RGMB: variants seen among roughly 807,000 people sequenced by gnomAD.
RGMB encodes the protein repulsive guidance molecule BMP co-receptor b, also known as repulsive guidance molecule B.
A neutral mutation model predicts 26.9 loss-of-function variants in RGMB; 16 were observed. That is an observed-to-expected ratio of 0.60 (90% confidence interval 0.40 to 0.90). The LOEUF is 0.90. RGMB is among the 40% of genes least tolerant of loss of function. The pLI is 0.00. For missense variants in RGMB, 512 were observed against 573.3 expected (o/e 0.89, Z 1.09); for synonymous variants, 225 against 229.3 (o/e 0.98, Z 0.17).
chr5:98,780,113 C>G lies in RGMB; in HGVS notation c.645+25C>G, dbSNP rs775707607. On this transcript the variant is annotated intron_variant, in intron 2 of 2. Transcript: ENST00000513185. ...GGCAAGTATACCTTCTTTTTTCCCT[C>G]TCCCTACTCAACTTTCAAAAGATGT... The G allele has an allele frequency of 3.2e-6, 5 of 1,583,204 alleles. No individual in the cohort carries two copies. The East Asian group carries it at 1.1e-4, about 35-fold the overall frequency.
intron 1 of RGMB, among the ~76,000 whole-genome samples, chr5:98,774,653 C>T (rs1746333820): frequency 6.6e-6 from 1 of 152,168 alleles, no homozygotes; most frequent in Non-Finnish European, 1.5e-5. Context: ...GGGGTGGCGG[C>T]GAGGCGAAGG....
chr5:98,779,700 G>C lies in RGMB; in HGVS notation c.257G>C (p.Arg86Pro). 6.2e-7 allele frequency: 1 copy of C among 1,607,680 alleles called. No individual in the cohort carries two copies. Among genetic ancestry groups the C allele is most frequent in the Non-Finnish European group, 8.5e-7 (1 of 1,175,530 alleles). Reference sequence around the variant, plus strand: ...GACTCTGAGTTTTGCAAGGCCTTGCGTGCCTATGCTGGCTGCACCCAGCGA... The same window carrying C: ...GACTCTGAGTTTTGCAAGGCCTTGCCTGCCTATGCTGGCTGCACCCAGCGA... ...GFDSEFCKAL[R>P]AYAGCTQRTS... Residue 86 changes from arginine (R) to proline (P), a missense_variant, in exon 2 of 3, where the codon CGT becomes CCT. Physicochemically the swap from Arg to Pro is moderately radical, Grantham distance 103. Coordinates refer to ENST00000513185, the MANE Select transcript of RGMB (RefSeq NM_001366508.1).
At chr5:98,791,955 CTTAGTTTG>C (rs1182927707) in intron 2 of RGMB, among the ~76,000 whole-genome samples, 1 of 152,054 alleles carries the variant, frequency 6.6e-6, no homozygotes, top group Non-Finnish European at 1.5e-5. Flanking sequence ...AATTTATGTG[CTTAGTTTG>C]GAGAATCGAG....
rs116038820 is a variant in RGMB at position 98,793,233 on chromosome 5, G to A, written c.794G>A (p.Ser265Asn). 2.4e-4 allele frequency: 391 copies of A among 1,614,058 alleles called. 3 individuals carry two copies. In the African/African-American group the frequency reaches 4.3e-3, roughly 18 times the overall value. Residue 265 changes from serine to asparagine, a missense_variant, in exon 3 of 3, where the codon AGT becomes AAT. Ser to Asn is a conservative substitution (Grantham distance 46, BLOSUM62 1). Transcript: ENST00000513185. ...AGCCTGCGTATCGTGGAAAGGGAGAGTGGCCACTATGTGGAGATGCACGCC... is the reference window on the plus strand; with the variant it reads ...AGCCTGCGTATCGTGGAAAGGGAGAATGGCCACTATGTGGAGATGCACGCC... Reference protein sequence around the residue: ...AKSLRIVERESGHYVEMHARY... With the variant: ...AKSLRIVERENGHYVEMHARY...
upstream of RGMB, chr5:98,773,595 T>G: frequency 4.2e-6 from 1 of 239,680 alleles, no homozygotes; most frequent in Non-Finnish European, 8.0e-6. Context: ...GCGTCGTGGA[T>G]TGGCGGGCAC....
intron 1 of RGMB, 85 bp downstream of exon 1, chr5:98,774,291 G>C (rs1463136671): frequency 1.6e-6 from 2 of 1,275,790 alleles, no homozygotes; most frequent in African/African-American, 3.1e-5. Flanking sequence ...GGCGCTCGCC[G>C]GGGCGGAAGG....
intron 2 of RGMB, among the ~76,000 whole-genome samples, chr5:98,789,891 G>C (rs555649418): frequency 1.3e-5 from 2 of 152,316 alleles, no homozygotes; most frequent in Admixed American, 6.5e-5. Flanking sequence ...GTGAGCTTTT[G>C]AAATACAATT....
chr5:98,788,374 A>G (rs1276555417), intron 2 of RGMB, among the ~76,000 whole-genome samples: 5 of 152,230 alleles, frequency 3.3e-5, no homozygotes, highest in African/African-American at 4.8e-5. Context: ...TTGTAAAATT[A>G]CATCCCAGTT....
At chr5:98,791,147 G>A (rs538885385) in intron 2 of RGMB, among the ~76,000 whole-genome samples, 9 of 152,272 alleles carry the variant, frequency 5.9e-5, no homozygotes, top group African/African-American at 2.2e-4. Flanking sequence ...CACCTCCTTT[G>A]GGTTGTTAAG....
rs1205892115 is a variant in RGMB at position 98,779,353 on chromosome 5, T to C, written c.137-227T>C. On this transcript the variant is annotated intron_variant, in intron 1 of 2. Transcript: ENST00000513185. The stretch of plus-strand genomic sequence containing the variant: ...ACTCATGTTCACTCACAGTGGCTCA[T>C]GCTTTAAAGTTGTAAGTTAACTAAT... Among the ~76,000 whole-genome samples, 5 of 152,234 alleles carry C rather than the reference T, an allele frequency of 3.3e-5. 1 individual carries two copies. In the South Asian group the frequency reaches 8.3e-4, roughly 25 times the overall value.
intron 2 of RGMB, among the ~76,000 whole-genome samples, chr5:98,787,437 A>T (rs79375880): frequency 1.5e-3 from 223 of 152,326 alleles, no homozygotes; most frequent in African/African-American, 5.0e-3. Context: ...GCCTGAAGGG[A>T]AGACCTGCTA....
chr5:98,794,074 T>A lies in RGMB; in HGVS notation c.*321T>A, dbSNP rs2112384273. The A allele has an allele frequency of 5.2e-6, 1 of 190,478 alleles. No homozygotes were observed. The highest frequency in any genetic ancestry group is 1.4e-4 in the East Asian group (1 of 7,140). 11.8% of individuals were successfully genotyped at this position (190,478 alleles called of 1,614,324 possible). A position where few individuals can be genotyped will look rare whatever the true frequency, so the allele number is the denominator to read the frequency against. ...GTGTGTGCTTGGTTGATATGTATAG[T>A]ACATATACACAGACATCCATATGCA... On this transcript the variant is annotated 3_prime_UTR_variant, in exon 3 of 3. Coordinates refer to ENST00000513185, the MANE Select transcript of RGMB (RefSeq NM_001366508.1).
Position 98,795,244 on chromosome 5 carries a change from A to G in RGMB, c.*1491A>G, listed in dbSNP as rs1196700712. On this transcript the variant is annotated 3_prime_UTR_variant, in exon 3 of 3. Transcript: ENST00000513185. ...AATCTTTAGTTCCAAGAAGTGATAG[A>G]GTTTCTGCTTTAATAATTTGTTGAT... 1.3e-5 allele frequency: 2 copies of G among 152,138 alleles called. No individual in the cohort carries two copies. Among genetic ancestry groups the G allele is most frequent in the African/African-American group, 4.8e-5 (2 of 41,458 alleles). The allele number at this position is 152,138 out of a possible 1,614,324, so 9.4% of individuals were successfully genotyped here. A position where few individuals can be genotyped will look rare whatever the true frequency, so the allele number is the denominator to read the frequency against.
rs1746526785 is a variant in RGMB, at chr5:98,779,704, C to T, written c.261C>T (p.Ala87=). 2 of 1,609,818 alleles carry T rather than the reference C, an allele frequency of 1.2e-6. No homozygotes were observed. The highest frequency in any genetic ancestry group is 8.5e-7 in the Non-Finnish European group (1 of 1,177,002). The change falls in exon 2 of 3, where the codon GCC becomes GCT. Residue 87 remains alanine (A), a synonymous_variant. Transcript: ENST00000513185. The part of the protein sequence containing the change: ...FDSEFCKALR[A]YAGCTQRTSK... ...CTGAGTTTTGCAAGGCCTTGCGTGC[C>T]TATGCTGGCTGCACCCAGCGAACTT...
chr5:98,776,210 C>CA (rs1388533030), intron 1 of RGMB, among the ~76,000 whole-genome samples: 2 of 152,216 alleles, frequency 1.3e-5, no homozygotes, highest in Non-Finnish European at 2.9e-5. Context: ...TCTAGACCCA[C>CA]AAATGCTTTA....
Position 98,794,963 on chromosome 5 carries a change from T to C in RGMB, c.*1210T>C, listed in dbSNP as rs558318889. ...ACTTCGGCACTGCTTAATCCAGATATTCTTGTTAACTAAGCATTGTGCTTC... is the reference window on the plus strand; with the variant it reads ...ACTTCGGCACTGCTTAATCCAGATACTCTTGTTAACTAAGCATTGTGCTTC... On this transcript the variant is annotated 3_prime_UTR_variant, in exon 3 of 3. Coordinates refer to ENST00000513185, the MANE Select transcript of RGMB (RefSeq NM_001366508.1). The C allele has an allele frequency of 2.0e-5, 3 of 152,346 alleles. No homozygotes were observed. The highest frequency in any genetic ancestry group is 1.3e-4 in the Admixed American group (2 of 15,298). The allele number at this position is 152,346 out of a possible 1,614,324, so 9.4% of individuals were successfully genotyped here. A position where few individuals can be genotyped will look rare whatever the true frequency, so the allele number is the denominator to read the frequency against.
In RGMB at chr5:98,793,819, T is replaced by A; in HGVS notation, c.*66T>A. 2 of 1,189,660 alleles carry A rather than the reference T, an allele frequency of 1.7e-6. No individual in the cohort carries two copies. The highest frequency in any genetic ancestry group is 2.3e-6 in the Non-Finnish European group (2 of 864,774). 73.7% of individuals were successfully genotyped at this position (1,189,660 alleles called of 1,614,324 possible). On this transcript the variant is annotated 3_prime_UTR_variant, in exon 3 of 3. Coordinates refer to ENST00000513185, the MANE Select transcript of RGMB (RefSeq NM_001366508.1). Reference sequence around the variant, plus strand: ...CAAAATTTTAAAATATATATTGTCATAATATATTGAGTAAAAGAGTATATA... The same window carrying A: ...CAAAATTTTAAAATATATATTGTCAAAATATATTGAGTAAAAGAGTATATA...
chr5:98,793,041 T>C, intron 2 of RGMB, 44 bp from the exon 3 acceptor site: 1 of 1,494,614 alleles, frequency 6.7e-7, no homozygotes, highest in Non-Finnish European at 9.1e-7. Context: ...CCCGTTCTGC[T>C]TCCTTCCCAT....
rs2545732 is a variant in RGMB, at chr5:98,773,685, T to C, written c.-386T>C. 0.57 allele frequency: 206,040 copies of C among 360,954 alleles called. 59,913 individuals are homozygous for C. Among genetic ancestry groups the C allele is most frequent in the East Asian group, 0.72 (17,397 of 24,088 alleles). 22.4% of individuals were successfully genotyped at this position (360,954 alleles called of 1,614,324 possible). A position where few individuals can be genotyped will look rare whatever the true frequency, so the allele number is the denominator to read the frequency against. ...CGCGCAGAGATATCCGGGCCGCCGG[T>C]GGGTGGTCGCTAGGGCTGGGCCAGC... On this transcript the variant is annotated 5_prime_UTR_variant, in exon 1 of 3. Transcript: ENST00000513185.
Sources: allele counts gnomAD v4.1 joint callset (sites outside exome capture counted in the v4.1 genomes callset), GRCh38; gene constraint gnomAD v4.1.1; transcripts MANE v1.5; gene names NCBI Gene and HGNC (gene_info 2026-07-23, HGNC 2026-07-21).